The following VAMP7 variants were observed in gnomAD, a reference collection of about 807,000 sequenced individuals.
The protein encoded by VAMP7 is vesicle associated membrane protein 7, also known as vesicle-associated membrane protein 7.
Under a neutral mutation model 29.6 loss-of-function variants are expected in VAMP7, and 14 were observed. The ratio of observed to expected loss-of-function variants is 0.47; its 90% CI spans 0.31 to 0.74. VAMP7 has a LOEUF of 0.74. VAMP7 is among the 30% of genes least tolerant of loss of function. The pLI is 0.05. For synonymous variants in VAMP7, 95 were observed against 88.1 expected, an observed-to-expected ratio of 1.08 and a Z score of -0.44; for missense variants, 223 against 262.4, an observed-to-expected ratio of 0.85 and a Z score of 1.04.
In VAMP7 at chrX:155,919,823, T is replaced by A; in HGVS notation, c.444T>A (p.Ala148=). The A allele has an allele frequency of 6.2e-7, 1 of 1,613,184 alleles. No homozygotes were observed. The highest frequency in any genetic ancestry group is 8.5e-7 in the Non-Finnish European group (1 of 1,179,554). The part of the protein sequence containing the change: ...GIMVRNIDLV[A]QRGERLELLI... The stretch of plus-strand genomic sequence containing the variant: ...TTCCAATATTTTCAGATCTGGTAGC[T>A]CAGCGAGGAGAAAGATTGGAATTAT... The change falls in exon 6 of 8, where the codon GCT becomes GCA. Residue 148 remains alanine, a synonymous_variant. Coordinates refer to ENST00000286448, the MANE Select transcript of VAMP7 (RefSeq NM_005638.6).
intron 1 of VAMP7, among the ~76,000 whole-genome samples, chrX:155,885,301 A>G (rs987503337): frequency 2.0e-5 from 3 of 152,124 alleles, no homozygotes; most frequent in African/African-American, 7.2e-5. Flanking sequence ...CTCCAATATG[A>G]GCAAGGAAAA....
intron 6 of VAMP7, among the ~76,000 whole-genome samples, chrX:155,927,307 G>A (rs1206682402): frequency 2.6e-5 from 4 of 151,102 alleles, no homozygotes; most frequent in Non-Finnish European, 4.4e-5. Context: ...ACCATGTCAC[G>A]TGTATACCTG....
intron 1 of VAMP7, among the ~76,000 whole-genome samples, chrX:155,884,068 T>G (rs1324933648): frequency 6.6e-6 from 1 of 151,944 alleles, no homozygotes; most frequent in Non-Finnish European, 1.5e-5. Flanking sequence ...AGTGGTAATG[T>G]TATTCTGCCA....
intron 5 of VAMP7, among the ~76,000 whole-genome samples, chrX:155,902,849 G>A (rs2066086352): frequency 6.6e-6 from 1 of 150,824 alleles, no homozygotes; most frequent in Non-Finnish European, 1.5e-5. Context: ...TTGTGTCTCT[G>A]CCCGGCTTTG....
chrX:155,902,112 G>A (rs2066071607), intron 5 of VAMP7, among the ~76,000 whole-genome samples: 1 of 152,160 alleles, frequency 6.6e-6, no homozygotes, highest in South Asian at 2.1e-4. Flanking sequence ...GGATTCCTAG[G>A]TATTTTATTC....
At chrX:155,901,973 T>C (rs1203272176) in intron 5 of VAMP7, among the ~76,000 whole-genome samples, 3 of 152,134 alleles carry the variant, frequency 2.0e-5, no homozygotes, top group African/African-American at 4.8e-5. Context: ...AGTATGGCCA[T>C]TTTCATGATA....
At chrX:155,893,208 G>T (rs2065946017) in intron 2 of VAMP7, among the ~76,000 whole-genome samples, 1 of 152,138 alleles carries the variant, frequency 6.6e-6, no homozygotes, top group African/African-American at 2.4e-5. Context: ...GGAAAGTGAT[G>T]ACTTTCATTC....
Position 155,937,703 on chromosome X carries a change from T to G in VAMP7, c.502-1998T>G, listed in dbSNP as rs769669982. On this transcript the variant is annotated intron_variant, in intron 6 of 7. Coordinates refer to ENST00000286448, the MANE Select transcript of VAMP7 (RefSeq NM_005638.6). ...TTTAGTCTGAAGATTCAAGTCTGTC[T>G]TATTTGGGGGATATTTTCTTCAATT... Among the ~76,000 whole-genome samples, 11 of 152,284 alleles carry G rather than the reference T, an allele frequency of 7.2e-5. No homozygotes were observed. In the South Asian group the frequency reaches 2.1e-3, roughly 29 times the overall value.
rs780413223 is a variant in VAMP7 at position 155,893,344 on chromosome X, G to A, written c.147-2279G>A. ...AGATTTGGGAATCATTGGCATAATT[G>A]TGGTAGCTGAAAACAAACTACAACA... On this transcript the variant is annotated intron_variant, in intron 2 of 7. Coordinates refer to ENST00000286448, the MANE Select transcript of VAMP7 (RefSeq NM_005638.6). Among the ~76,000 whole-genome samples the A allele has an allele frequency of 5.9e-5, 9 of 152,264 alleles. No homozygotes were observed. In the East Asian group the frequency reaches 1.7e-3, roughly 29 times the overall value.
At chrX:155,913,735 T>TCTGTTTTGGTACCAATACCATG (rs2066271168) in intron 5 of VAMP7, among the ~76,000 whole-genome samples, 1 of 152,174 alleles carries the variant, frequency 6.6e-6, no homozygotes, top group Admixed American at 6.5e-5. Context: ...GGTCTATGTA[T>TCTGTTTTGGTACCAATACCATG]CTGTTTTGGT....
intron 6 of VAMP7, among the ~76,000 whole-genome samples, chrX:155,928,487 C>T (rs776823109): frequency 1.3e-5 from 2 of 152,276 alleles, no homozygotes; most frequent in African/African-American, 4.8e-5. Context: ...AGGTGGCTGC[C>T]AGTATTTCTT....
intron 2 of VAMP7, among the ~76,000 whole-genome samples, chrX:155,892,376 C>T (rs1029120538): frequency 9.9e-5 from 15 of 152,214 alleles, no homozygotes; most frequent in African/African-American, 3.4e-4. Flanking sequence ...TGTCTGCCCT[C>T]AAGGTAAAAT....
At chrX:155,933,637 G>A (rs1960895710) in intron 6 of VAMP7, among the ~76,000 whole-genome samples, 1 of 151,756 alleles carries the variant, frequency 6.6e-6, no homozygotes, top group Non-Finnish European at 1.5e-5. Flanking sequence ...CAATTTTGTT[G>A]ATCTTTTCAA....
At chrX:155,922,742 G>C (rs2066414040) in intron 6 of VAMP7, among the ~76,000 whole-genome samples, 1 of 151,984 alleles carries the variant, frequency 6.6e-6, no homozygotes, top group Non-Finnish European at 1.5e-5. Context: ...TCTATCTTCT[G>C]AGTTTGGGTA....
At chrX:155,939,678 A>G in intron 6 of VAMP7, 23 bp from the exon 7 acceptor site, 2 of 1,585,600 alleles carry the variant, frequency 1.3e-6, no homozygotes, top group African/African-American at 1.3e-5. Flanking sequence ...CCAGGGGTTA[A>G]ACAATTCTCG....
intron 2 of VAMP7, among the ~76,000 whole-genome samples, chrX:155,893,242 C>G (rs1345102358): frequency 6.6e-6 from 1 of 152,080 alleles, no homozygotes; most frequent in Non-Finnish European, 1.5e-5. Context: ...TTTAAGCTGT[C>G]TATGGTATGT....
intron 6 of VAMP7, among the ~76,000 whole-genome samples, chrX:155,924,926 T>C (rs911862224): frequency 6.6e-6 from 1 of 152,230 alleles, no homozygotes; most frequent in Admixed American, 6.5e-5. Flanking sequence ...AAATCTTTTG[T>C]TGTCATTTCA....
intron 6 of VAMP7, among the ~76,000 whole-genome samples, chrX:155,931,362 TCC>T (rs1301211233): frequency 2.0e-5 from 3 of 152,132 alleles, no homozygotes; most frequent in Non-Finnish European, 4.4e-5. Context: ...CCACATCCTC[TCC>T]AGCACCTGTT....
intron 5 of VAMP7, among the ~76,000 whole-genome samples, chrX:155,910,929 T>G (rs992432265): frequency 1.3e-5 from 2 of 152,196 alleles, no homozygotes; most frequent in Non-Finnish European, 2.9e-5. Flanking sequence ...GTGCAAAAGC[T>G]TTTTTGTTTA....
Sources: allele counts gnomAD v4.1 joint callset (sites outside exome capture counted in the v4.1 genomes callset), GRCh38; gene constraint gnomAD v4.1.1; transcripts MANE v1.5; gene names NCBI Gene and HGNC (gene_info 2026-07-23, HGNC 2026-07-21).